Variants in TAFA5 observed in about 807,000 individuals in gnomAD.
TAFA5 encodes the protein TAFA chemokine like family member 5, also known as chemokine-like protein TAFA-5.
Under a neutral mutation model 15.3 loss-of-function variants are expected in TAFA5, and 6 were observed. The observed-to-expected ratio is 0.39, with a 90% CI of 0.21 to 0.77. The LOEUF (loss-of-function observed/expected upper bound fraction) is 0.77, where lower values mean the gene tolerates loss of function less well. Ranked by LOEUF, TAFA5 falls within the 30% of genes least tolerant of loss-of-function variation. TAFA5 has a pLI of 0.41. For missense variants in TAFA5, 161 were observed against 193.1 expected (o/e 0.83, Z 0.98); for synonymous variants, 103 against 80.7 (o/e 1.28, Z -1.48).
At chr22:48,653,269 G>A (rs1049622299) in intron 2 of TAFA5, among the ~76,000 whole-genome samples, 7 of 151,238 alleles carry the variant, frequency 4.6e-5, no homozygotes, top group African/African-American at 1.5e-4. Context: ...CCTGGGATGC[G>A]GGCACCATGT....
intron 2 of TAFA5, among the ~76,000 whole-genome samples, chr22:48,656,415 A>G (rs190966680): frequency 1.3e-5 from 2 of 151,902 alleles, no homozygotes; most frequent in South Asian, 4.2e-4. Flanking sequence ...CTGAGGCAGG[A>G]GAATTGCTTG....
intron 1 of TAFA5, among the ~76,000 whole-genome samples, chr22:48,529,964 C>A (rs962185045): frequency 3.3e-5 from 5 of 152,084 alleles, no homozygotes; most frequent in African/African-American, 1.2e-4. Flanking sequence ...GGGTGTTGGA[C>A]ACCCCCTGAG....
intron 2 of TAFA5, among the ~76,000 whole-genome samples, chr22:48,661,718 C>G (rs1927447843): frequency 6.6e-6 from 1 of 152,218 alleles, no homozygotes; most frequent in African/African-American, 2.4e-5. Flanking sequence ...CCTGCACATC[C>G]TTGTGAGTAA....
intron 1 of TAFA5, among the ~76,000 whole-genome samples, chr22:48,572,160 T>C (rs1014085601): frequency 3.3e-5 from 5 of 152,256 alleles, no homozygotes; most frequent in African/African-American, 1.2e-4. Flanking sequence ...TATGCACAGC[T>C]GAGCCTGACT....
At chr22:48,564,407 A>G (rs992308260) in intron 1 of TAFA5, among the ~76,000 whole-genome samples, 1 of 152,234 alleles carries the variant, frequency 6.6e-6, no homozygotes, top group African/African-American at 2.4e-5. Context: ...TTACTGACCA[A>G]GTGCTGACCT....
intron 2 of TAFA5, among the ~76,000 whole-genome samples, chr22:48,652,141 C>T (rs1256207703): frequency 2.0e-5 from 3 of 152,266 alleles, no homozygotes; most frequent in African/African-American, 7.2e-5. Context: ...ACGGGGCCCC[C>T]AGGGCCAGCT....
chr22:48,655,830 C>CTTT (rs1197219539), intron 2 of TAFA5, among the ~76,000 whole-genome samples: 1,483 of 62,338 alleles, frequency 0.024, 278 homozygotes, highest in East Asian at 0.18. Context: ...AACACTGATT[C>CTTT]TTTTTTTTTT....
chr22:48,494,523 G>A (rs1894542), intron 1 of TAFA5, among the ~76,000 whole-genome samples: 1 of 152,122 alleles, frequency 6.6e-6, no homozygotes, highest in Non-Finnish European at 1.5e-5. Flanking sequence ...TTGAGGCTGT[G>A]TCAGGGGCCT....
In TAFA5 at chr22:48,566,193, GGGTGGAT is replaced by G. The variant is rs1923402777; in HGVS notation, c.112+76498_112+76504del. 6.6e-6 allele frequency among the ~76,000 whole-genome samples: 1 copy of G among 151,880 alleles called. No homozygotes were observed. Among genetic ancestry groups the G allele is most frequent in the South Asian group, 2.1e-4 (1 of 4,792 alleles). The stretch of plus-strand genomic sequence containing the variant: ...ATGGGTGGATGGATGGTGGATGGAT[GGGTGGAT>G]GGTGGATGATGGGTGGATGGTAGGT... On this transcript the variant is annotated intron_variant, in intron 1 of 3. Transcript: ENST00000402357. The surrounding 1 kb of genome is among the most constrained non-coding windows in gnomAD (Gnocchi z 4.5).
chr22:48,678,883 G>A lies in TAFA5; in HGVS notation c.263-28834G>A, dbSNP rs563662526. 1.7e-3 allele frequency among the ~76,000 whole-genome samples: 257 copies of A among 152,176 alleles called. 2 individuals are homozygous for A. Among genetic ancestry groups the A allele is most frequent in the African/African-American group, 6.0e-3 (248 of 41,528 alleles). ...AGTTCCGGTGCCAGGGCACCGTCCC[G>A]GCTCCCTGTCCATCCCTCTCCCGGC... is the stretch of plus-strand genomic sequence containing the variant. On this transcript the variant is annotated intron_variant, in intron 2 of 3. Coordinates refer to ENST00000402357, the MANE Select transcript of TAFA5 (RefSeq NM_001082967.3).
chr22:48,593,133 G>A lies in TAFA5; in HGVS notation c.113-53464G>A, dbSNP rs530767672. Among the ~76,000 whole-genome samples the A allele has an allele frequency of 4.6e-5, 7 of 152,324 alleles. 1 individual carries two copies. Among genetic ancestry groups the A allele is most frequent in the South Asian group, 4.1e-4 (2 of 4,820 alleles). ...GGGAGGTGCCCAAAGTCACGTCCGC[G>A]AACAGTGTCACCTGGGAGACGCCAT... On this transcript the variant is annotated intron_variant, in intron 1 of 3. Transcript: ENST00000402357.
intron 1 of TAFA5, among the ~76,000 whole-genome samples, chr22:48,521,647 A>T (rs2147107331): frequency 6.6e-6 from 1 of 152,298 alleles, no homozygotes; most frequent in South Asian, 2.1e-4. Context: ...CATCCCAGCC[A>T]GCCGCACGGG....
At chr22:48,610,829 G>A (rs764987155) in intron 1 of TAFA5, among the ~76,000 whole-genome samples, 40 of 152,286 alleles carry the variant, frequency 2.6e-4, no homozygotes, top group Non-Finnish European at 4.7e-4. Context: ...CCTTCCCTTC[G>A]TCTGCTTCCC....
In TAFA5 at chr22:48,655,845, T is replaced by TG. The variant is rs1332898362; in HGVS notation, c.262+9099_262+9100insG. 3.2e-4 allele frequency among the ~76,000 whole-genome samples: 44 copies of TG among 137,860 alleles called. 1 individual carries two copies. Among genetic ancestry groups the TG allele is most frequent in the Non-Finnish European group, 6.2e-5 (4 of 64,334 alleles). The allele number at this position is 137,860 out of a possible 152,430, so 90.4% of individuals were successfully genotyped here. A position where few individuals can be genotyped will look rare whatever the true frequency, so the allele number is the denominator to read the frequency against. On this transcript the variant is annotated intron_variant, in intron 2 of 3. Transcript: ENST00000402357. ...AACACTGATTCTTTTTTTTTTTTTT[T>TG]TTTTTTTTTTTTGAGACAGAGTCTC...
At chr22:48,681,667 GAAAAGAA>G (rs1410401860) in intron 2 of TAFA5, among the ~76,000 whole-genome samples, 31 of 137,956 alleles carry the variant, frequency 2.2e-4, no homozygotes, top group Admixed American at 1.2e-3. Flanking sequence ...AAAAAAAAAA[GAAAAGAA>G]AAAAGAAAAA....
At chr22:48,536,388 G>A (rs1922165480) in intron 1 of TAFA5, among the ~76,000 whole-genome samples, 1 of 152,240 alleles carries the variant, frequency 6.6e-6, no homozygotes, top group African/African-American at 2.4e-5. Context: ...TAAAAGACGA[G>A]CCCGGAGAGG....
intron 2 of TAFA5, among the ~76,000 whole-genome samples, chr22:48,700,557 C>T (rs929198818): frequency 4.6e-5 from 7 of 152,116 alleles, no homozygotes; most frequent in Non-Finnish European, 8.8e-5. Context: ...AGGAGGGGAG[C>T]GGAAGCGGGC....
chr22:48,687,839 G>C (rs941348375), intron 2 of TAFA5, among the ~76,000 whole-genome samples: 3 of 152,176 alleles, frequency 2.0e-5, no homozygotes, highest in Non-Finnish European at 2.9e-5. Context: ...CAGGCTCCCT[G>C]AGTGCGGCTC....
intron 1 of TAFA5, among the ~76,000 whole-genome samples, chr22:48,503,428 C>T (rs1254984811): frequency 3.3e-5 from 5 of 152,180 alleles, no homozygotes; most frequent in African/African-American, 7.2e-5. Flanking sequence ...GATGTGGACT[C>T]GTGAACTTGG....
Sources: gnomAD v4.1 joint callset for allele counts (sites outside exome capture counted in the v4.1 genomes callset) on GRCh38, gnomAD v4.1.1 for gene constraint, Gnocchi (gnomAD v3.1) non-coding constraint, MANE v1.5 for transcripts, NCBI Gene and HGNC (gene_info 2026-07-23, HGNC 2026-07-21) for gene names.